The following MDGA2 variants were observed in gnomAD, a reference collection of about 807,000 sequenced individuals.
MDGA2 encodes MAM domain containing glycosylphosphatidylinositol anchor 2.
In MDGA2, 40 loss-of-function variants were observed where a neutral mutation model predicts 117.8. That is an observed-to-expected ratio of 0.34 (90% CI 0.26 to 0.44). The LOEUF (loss-of-function observed/expected upper bound fraction) is 0.44, where lower values mean the gene tolerates loss of function less well. Among genes scored for constraint, MDGA2 ranks in the 20% least tolerant of loss-of-function variants. MDGA2 has a pLI of 1.00. For missense variants in MDGA2, 1,123 were observed against 1,250.6 expected, an observed-to-expected ratio of 0.90 and a Z score of 1.54; for synonymous variants, 452 against 439.0, an observed-to-expected ratio of 1.03 and a Z score of -0.37.
In MDGA2 at chr14:46,924,667, C is replaced by T. The variant is rs75757941; in HGVS notation, c.2090-4507G>A. On this transcript the variant is annotated intron_variant, in intron 9 of 16. Transcript: ENST00000399232. ...AAATAAAATGAGCCCATTTTATTAT[C>T]AGATTGCACAATCTCAGAAAAAAAA... Among the ~76,000 whole-genome samples the T allele has an allele frequency of 9.9e-3, 1,502 of 151,684 alleles. 21 individuals carry two copies. Among genetic ancestry groups the T allele is most frequent in the Non-Finnish European group, 0.013 (862 of 67,918 alleles).
intron 1 of MDGA2, among the ~76,000 whole-genome samples, chr14:47,661,511 C>T (rs1437606425): frequency 6.6e-6 from 1 of 152,096 alleles, no homozygotes; most frequent in Non-Finnish European, 1.5e-5. Flanking sequence ...AGAATCCAGA[C>T]ATGAATATAG....
At chr14:47,320,718 A>G (rs1300359921) in intron 1 of MDGA2, among the ~76,000 whole-genome samples, 2 of 152,162 alleles carry the variant, frequency 1.3e-5, no homozygotes, top group East Asian at 3.9e-4. Flanking sequence ...GCCCAATTTT[A>G]TTGTACCTTA....
intron 1 of MDGA2, among the ~76,000 whole-genome samples, chr14:47,662,240 T>C (rs1897863726): frequency 6.6e-6 from 1 of 152,162 alleles, no homozygotes; most frequent in Admixed American, 6.6e-5. Flanking sequence ...TAGCTACTAT[T>C]CCATGCATTT....
intron 8 of MDGA2, among the ~76,000 whole-genome samples, chr14:46,982,658 G>A (rs1315964850): frequency 6.0e-5 from 8 of 132,256 alleles, no homozygotes; most frequent in East Asian, 2.5e-4. Context: ...GCAATGAGCC[G>A]AGATCACGCC....
At chr14:46,990,604 A>T (rs915733827) in intron 8 of MDGA2, among the ~76,000 whole-genome samples, 2 of 152,034 alleles carry the variant, frequency 1.3e-5, no homozygotes, top group Admixed American at 6.6e-5. Context: ...GGTTCTGCTA[A>T]TGTCTAGTTA....
At chr14:47,170,028 T>A (rs771931780) in intron 3 of MDGA2, among the ~76,000 whole-genome samples, 1 of 152,104 alleles carries the variant, frequency 6.6e-6, no homozygotes, top group Non-Finnish European at 1.5e-5. Context: ...AATATAATAT[T>A]GCAACAATCC....
chr14:47,399,546 T>C (rs1312091450), intron 1 of MDGA2, among the ~76,000 whole-genome samples: 1 of 152,112 alleles, frequency 6.6e-6, no homozygotes, highest in Non-Finnish European at 1.5e-5. Context: ...TATGACTGAA[T>C]TAGATTCTAA....
chr14:47,665,597 C>T (rs1010017498), intron 1 of MDGA2, among the ~76,000 whole-genome samples: 5 of 152,146 alleles, frequency 3.3e-5, no homozygotes, highest in Admixed American at 6.5e-5. Context: ...TCCGGGTGGG[C>T]GTGGGCTTGG....
intron 1 of MDGA2, among the ~76,000 whole-genome samples, chr14:47,631,588 A>G (rs1291184567): frequency 6.6e-6 from 1 of 152,148 alleles, no homozygotes; most frequent in Non-Finnish European, 1.5e-5. Context: ...CCTGGTTTCT[A>G]CCTCAACTCT....
At chr14:47,083,991 G>A (rs76286263) in intron 6 of MDGA2, among the ~76,000 whole-genome samples, 2,657 of 152,142 alleles carry the variant, frequency 0.017, 63 homozygotes, top group African/African-American at 0.061. Context: ...TGGAGACTTT[G>A]ATATTCCCCC....
intron 10 of MDGA2, among the ~76,000 whole-genome samples, chr14:46,911,256 G>A (rs555355929): frequency 2.0e-5 from 3 of 152,130 alleles, no homozygotes; most frequent in Non-Finnish European, 4.4e-5. Context: ...TCCAAAACTT[G>A]AAGTCTGATA....
In MDGA2 at chr14:47,079,342, T is replaced by G. The variant is rs138418272; in HGVS notation, c.1195+17512A>C. 8.3e-4 allele frequency among the ~76,000 whole-genome samples: 126 copies of G among 152,324 alleles called. 2 individuals carry two copies. The East Asian group carries it at 0.024, about 29-fold the overall frequency. On this transcript the variant is annotated intron_variant, in intron 6 of 16. Coordinates refer to ENST00000399232, the MANE Select transcript of MDGA2 (RefSeq NM_001113498.3). ...GATTCTAACATTTTTGTTGCAAAAT[T>G]GAGCAAAACCCAAGCATTGATGAAA... is the stretch of plus-strand genomic sequence containing the variant.
At chr14:47,248,244 AAGGAGT>A (rs1218763362) in intron 2 of MDGA2, among the ~76,000 whole-genome samples, 1 of 151,636 alleles carries the variant, frequency 6.6e-6, no homozygotes, top group Non-Finnish European at 1.5e-5. Flanking sequence ...TATATTATAC[AAGGAGT>A]AGGAGAGTAA....
intron 1 of MDGA2, among the ~76,000 whole-genome samples, chr14:47,492,813 CAAT>C (rs1894199543): frequency 6.6e-6 from 1 of 151,996 alleles, no homozygotes; most frequent in Non-Finnish European, 1.5e-5. Flanking sequence ...ATATGAGCAA[CAAT>C]AAAAGTATTA....
chr14:47,196,369 A>G (rs956225267), intron 3 of MDGA2, among the ~76,000 whole-genome samples: 17 of 152,118 alleles, frequency 1.1e-4, no homozygotes, highest in African/African-American at 3.6e-4. Flanking sequence ...TTATTATTTA[A>G]GAGAAAGATG....
chr14:47,190,994 T>C (rs1885087669), intron 3 of MDGA2, among the ~76,000 whole-genome samples: 2 of 152,210 alleles, frequency 1.3e-5, no homozygotes, highest in South Asian at 2.1e-4. Context: ...CATTCAACTA[T>C]TTGAAAATAT....
intron 3 of MDGA2, among the ~76,000 whole-genome samples, chr14:47,192,337 C>T (rs1318781980): frequency 1.3e-5 from 2 of 152,014 alleles, no homozygotes; most frequent in African/African-American, 4.8e-5. Flanking sequence ...GGTATGGGGC[C>T]GAACGAGGTG....
At chr14:47,624,114 T>C (rs1353256247) in intron 1 of MDGA2, among the ~76,000 whole-genome samples, 1 of 152,248 alleles carries the variant, frequency 6.6e-6, no homozygotes, top group East Asian at 1.9e-4. Context: ...TTGTAAAATA[T>C]GTGCTCACAA....
intron 2 of MDGA2, among the ~76,000 whole-genome samples, chr14:47,266,388 C>T (rs879187829): frequency 6.6e-6 from 1 of 152,160 alleles, no homozygotes; most frequent in Non-Finnish European, 1.5e-5. Context: ...TTCATCTCCA[C>T]TGCCACTACC....
Sources: gnomAD v4.1 joint callset for allele counts (sites outside exome capture counted in the v4.1 genomes callset) on GRCh38, gnomAD v4.1.1 for gene constraint, MANE v1.5 for transcripts, NCBI Gene and HGNC (gene_info 2026-07-23, HGNC 2026-07-21) for gene names.